Variants in TTLL13 observed in about 807,000 individuals in gnomAD.
TTLL13 encodes tubulin tyrosine ligase like 13.
the TTLL13 span, chr15:90,253,247 A>C: frequency 4.3e-6 from 7 of 1,612,840 alleles, no homozygotes; most frequent in Non-Finnish European, 5.9e-6. Flanking sequence ...CTGTCTCTGC[A>C]GTGCGTCGGG....
the TTLL13 span, among the ~76,000 whole-genome samples, chr15:90,256,610 C>CTTTCTTTCTTTCTCT: frequency 4.9e-5 from 2 of 40,418 alleles, no homozygotes; most frequent in Admixed American, 3.3e-4. Flanking sequence ...TCTTTCTTTC[C>CTTTCTTTCTTTCTCT]TTCCTTCCTT....
the TTLL13 span, chr15:90,263,398 C>G: frequency 2.0e-6 from 1 of 487,914 alleles, no homozygotes. Context: ...GAAACTTGCT[C>G]TCTATATTCC....
At chr15:90,257,930 C>A in the TTLL13 span, 1 of 1,126,522 alleles carries the variant, frequency 8.9e-7, no homozygotes, top group Non-Finnish European at 1.3e-6. Context: ...TGCTAGCAGC[C>A]CTTCAAAGCC....
the TTLL13 span, among the ~76,000 whole-genome samples, chr15:90,255,100 G>A: frequency 1.3e-5 from 2 of 152,240 alleles, no homozygotes; most frequent in South Asian, 2.1e-4. Flanking sequence ...CTGTCCCCCT[G>A]TGCAGACAGG....
the TTLL13 span, among the ~76,000 whole-genome samples, chr15:90,254,321 C>A: frequency 6.6e-6 from 1 of 151,734 alleles, no homozygotes; most frequent in African/African-American, 2.4e-5. Context: ...GGTAAAACCC[C>A]ATCTCTACTA....
the TTLL13 span, among the ~76,000 whole-genome samples, chr15:90,259,278 T>C: frequency 1.5e-3 from 222 of 152,054 alleles, no homozygotes; most frequent in African/African-American, 4.8e-3. Context: ...TATTCCCAGC[T>C]ACTCAGGAGG....
chr15:90,250,826 A>G, the TTLL13 span: 2 of 1,614,220 alleles, frequency 1.2e-6, no homozygotes, highest in Admixed American at 1.7e-5. Flanking sequence ...GAAGAAAGTC[A>G]TAGCCCCAGT....
chr15:90,264,851 A>G, the TTLL13 span: 1 of 1,536,004 alleles, frequency 6.5e-7, no homozygotes, highest in Non-Finnish European at 8.7e-7. Context: ...GACTGAATGC[A>G]CCTTGCCCTC....
At chr15:90,265,173 T>G in the TTLL13 span, 1 of 1,288,192 alleles carries the variant, frequency 7.8e-7, no homozygotes, top group Non-Finnish European at 1.0e-6. Context: ...GACTAGAAGA[T>G]GAAGAGGCGC....
At chr15:90,255,368 T>C in the TTLL13 span, among the ~76,000 whole-genome samples, 1 of 152,168 alleles carries the variant, frequency 6.6e-6, no homozygotes, top group Admixed American at 6.5e-5. Flanking sequence ...CTTTTATCTT[T>C]TGTGTCTTTT....
the TTLL13 span, among the ~76,000 whole-genome samples, chr15:90,255,306 G>A: frequency 6.6e-6 from 1 of 152,216 alleles, no homozygotes. Flanking sequence ...GTGATGCCAT[G>A]CCCTCAGTGG....
the TTLL13 span, among the ~76,000 whole-genome samples, chr15:90,256,951 G>A: frequency 2.6e-5 from 4 of 152,240 alleles, no homozygotes; most frequent in Middle Eastern, 3.4e-3. Flanking sequence ...CTCTCAAAGC[G>A]CTGGGATTAC....
At chr15:90,253,425 C>A in the TTLL13 span, 2 of 1,327,944 alleles carry the variant, frequency 1.5e-6, no homozygotes, top group Non-Finnish European at 1.0e-6. Flanking sequence ...TGACTATTCC[C>A]ACCTCCTTGC....
chr15:90,256,188 A>AT, the TTLL13 span: 1 of 1,614,178 alleles, frequency 6.2e-7, no homozygotes, highest in East Asian at 2.2e-5. Flanking sequence ...GCCCGCACAT[A>AT]TATCTGCAAG....
the TTLL13 span, among the ~76,000 whole-genome samples, chr15:90,264,349 C>T: frequency 6.6e-6 from 1 of 152,170 alleles, no homozygotes; most frequent in South Asian, 2.1e-4. Context: ...CACCACCATG[C>T]TCGGCTAACT....
the TTLL13 span, among the ~76,000 whole-genome samples, chr15:90,261,531 A>G: frequency 0.069 from 10,529 of 151,898 alleles, 1,194 homozygotes; most frequent in African/African-American, 0.24. Context: ...GGTGGCTCAC[A>G]CCTATAATCC....
chr15:90,251,519 C>A, the TTLL13 span: 11 of 1,599,158 alleles, frequency 6.9e-6, no homozygotes, highest in South Asian at 1.1e-5. Flanking sequence ...CCTTCCCTCC[C>A]ACTCTTCCTG....
the TTLL13 span, chr15:90,259,128 T>G: frequency 3.1e-6 from 4 of 1,273,290 alleles, no homozygotes; most frequent in East Asian, 1.3e-4. Context: ...TTTGGGAGGC[T>G]GAGGCAGGAG....
At chr15:90,256,272 T>C in the TTLL13 span, 4 of 1,614,052 alleles carry the variant, frequency 2.5e-6, no homozygotes, top group Non-Finnish European at 3.4e-6. Context: ...GGAGAGCATA[T>C]GATCTGCCAG....
Sources: gnomAD v4.1 joint callset for allele counts (sites outside exome capture counted in the v4.1 genomes callset) on GRCh38, gnomAD v4.1.1 for gene constraint, MANE v1.5 for transcripts, NCBI Gene and HGNC (gene_info 2026-07-23, HGNC 2026-07-21) for gene names.